The following MLYCD variants were observed in gnomAD, a reference collection of about 807,000 sequenced individuals.
MLYCD encodes malonyl-CoA decarboxylase.
In MLYCD, 27 loss-of-function variants were observed where a neutral mutation model predicts 35.8. The observed-to-expected ratio is 0.75, with a 90% CI of 0.56 to 1.04. The LOEUF is 1.04. MLYCD is among the 50% of genes least tolerant of loss of function. The probability of loss-of-function intolerance (pLI) is 0.00; values close to 1 mark genes in which losing one functional copy is unlikely to be tolerated. For synonymous variants in MLYCD, 403 were observed against 302.4 expected, an observed-to-expected ratio of 1.33 and a Z score of -3.45; for missense variants, 917 against 665.1, an observed-to-expected ratio of 1.38 and a Z score of -4.17.
chr16:83,904,902 A>G (rs138058422), intron 1 of MLYCD, among the ~76,000 whole-genome samples: 154 of 152,294 alleles, frequency 1.0e-3, no homozygotes, highest in African/African-American at 3.3e-3. Flanking sequence ...AGTCAGTCCT[A>G]GATTTCCTTC....
At position 83,916,100 on chromosome 16, in the gene MLYCD, G is replaced by A. The variant is rs956087746; in HGVS notation, c.*611G>A. ...ATGTTGCTGCTTGAGGCATAAGTTGGATAATAGGCTTTAAATGATCAGGGA... is the reference window on the plus strand; with the variant it reads ...ATGTTGCTGCTTGAGGCATAAGTTGAATAATAGGCTTTAAATGATCAGGGA... On this transcript the variant is annotated 3_prime_UTR_variant, in exon 5 of 5. Coordinates refer to ENST00000262430, the MANE Select transcript of MLYCD (RefSeq NM_012213.3). 28 of 995,960 alleles carry A rather than the reference G, an allele frequency of 2.8e-5. No homozygotes were observed. Among genetic ancestry groups the A allele is most frequent in the Non-Finnish European group, 3.2e-5 (27 of 834,898 alleles). The allele number at this position is 995,960 out of a possible 1,614,324, so 61.7% of individuals were successfully genotyped here.
rs771859094 is a variant in MLYCD, at chr16:83,925,934, G to A, written c.*10445G>A. ...GCTTCTAAACAAGGCAGTTTCATGT[G>A]TGTATCTCCACTAGACTAGACGCTC... On this transcript the variant is annotated 3_prime_UTR_variant, in exon 5 of 5. Transcript: ENST00000262430. 8 of 152,306 alleles carry A rather than the reference G, an allele frequency of 5.3e-5. No homozygotes were observed. The highest frequency in any genetic ancestry group is 1.2e-4 in the Non-Finnish European group (8 of 68,116). 9.4% of individuals were successfully genotyped at this position (152,306 alleles called of 1,614,324 possible). A position where few individuals can be genotyped will look rare whatever the true frequency, so the allele number is the denominator to read the frequency against.
intron 4 of MLYCD, chr16:83,914,463 C>T (rs778211753): frequency 1.3e-5 from 3 of 229,852 alleles, no homozygotes; most frequent in Non-Finnish European, 2.6e-5. Flanking sequence ...TGCAGTGCAC[C>T]GAGCCCCACT....
chr16:83,908,552 A>G (rs1907063249), intron 3 of MLYCD, among the ~76,000 whole-genome samples: 1 of 152,186 alleles, frequency 6.6e-6, no homozygotes, highest in African/African-American at 2.4e-5. Flanking sequence ...ATCACAGAAC[A>G]TGTTTGTGAG....
intron 1 of MLYCD, among the ~76,000 whole-genome samples, chr16:83,903,557 A>G (rs1266593959): frequency 6.6e-6 from 1 of 152,176 alleles, no homozygotes; most frequent in African/African-American, 2.4e-5. Flanking sequence ...GCAGATCTTG[A>G]TAGAGCTTCA....
In MLYCD at chr16:83,920,179, G is replaced by A. The variant is rs1907605445; in HGVS notation, c.*4690G>A. Reference sequence around the variant, plus strand: ...GAACACACACCCTGTGCACAGTTTTGTTTTGTTTTGCTTTTGCAATTCCAG... The same window carrying A: ...GAACACACACCCTGTGCACAGTTTTATTTTGTTTTGCTTTTGCAATTCCAG... On this transcript the variant is annotated 3_prime_UTR_variant, in exon 5 of 5. Transcript: ENST00000262430. 1.3e-5 allele frequency: 2 copies of A among 152,172 alleles called. No individual in the cohort carries two copies. The highest frequency in any genetic ancestry group is 4.8e-5 in the African/African-American group (2 of 41,454). 9.4% of individuals were successfully genotyped at this position (152,172 alleles called of 1,614,324 possible).
At chr16:83,913,098 T>A (rs1344751422) in intron 4 of MLYCD, 1 of 155,228 alleles carries the variant, frequency 6.4e-6, no homozygotes, top group East Asian at 1.9e-4. Context: ...TTCACTGTGT[T>A]GGGGGCTGCA....
rs1195715861 is a variant in MLYCD, at chr16:83,916,539, A to C, written c.*1050A>C. 8.5e-5 allele frequency: 11 copies of C among 129,874 alleles called. No individual in the cohort carries two copies. The highest frequency in any genetic ancestry group is 3.3e-4 in the African/African-American group (11 of 32,886). The allele number at this position is 129,874 out of a possible 1,614,324, so 8.0% of individuals were successfully genotyped here. A position where few individuals can be genotyped will look rare whatever the true frequency, so the allele number is the denominator to read the frequency against. ...ACGTGTGCACGAGCATCTCTGGATC[A>C]GTGCACGTCTGTGTGCATGTGCCCG... On this transcript the variant is annotated 3_prime_UTR_variant, in exon 5 of 5. Transcript: ENST00000262430.
chr16:83,914,356 C>T (rs1197052130), intron 4 of MLYCD: 1 of 172,956 alleles, frequency 5.8e-6, no homozygotes, highest in Admixed American at 5.4e-5. Flanking sequence ...AGTCCCTGGC[C>T]ACTCGTGTGC....
chr16:83,899,227 C>T lies in MLYCD; in HGVS notation c.83C>T (p.Ala28Val). Residue 28 changes from alanine to valine, a missense_variant, in exon 1 of 5, where the codon GCG becomes GTG. By Grantham distance (64) the Ala-to-Val change is moderately conservative (BLOSUM62 0). Coordinates refer to ENST00000262430, the MANE Select transcript of MLYCD (RefSeq NM_012213.3). ...CCGCGGCCGCCCGGGCCCCGGCTGG[C>T]GAGCGGGCAGGCGGCCGGCGCCCTG... The part of the protein sequence containing the change: ...LPPRPPGPRL[A>V]SGQAAGALER... The T allele has an allele frequency of 8.1e-7, 1 of 1,236,784 alleles. No homozygotes were observed. Among genetic ancestry groups the T allele is most frequent in the South Asian group, 3.2e-5 (1 of 31,428 alleles). The allele number at this position is 1,236,784 out of a possible 1,614,324, so 76.6% of individuals were successfully genotyped here.
Position 83,899,341 on chromosome 16 carries a change from G to C in MLYCD, c.197G>C (p.Gly66Ala). 2 of 1,516,954 alleles carry C rather than the reference G, an allele frequency of 1.3e-6. No homozygotes were observed. The highest frequency in any genetic ancestry group is 2.4e-5 in the South Asian group (2 of 81,912). The allele number at this position is 1,516,954 out of a possible 1,614,324, so 94.0% of individuals were successfully genotyped here. The change falls in exon 1 of 5, where the codon GGT (glycine) becomes GCT (alanine). Residue 66 changes from glycine (G) to alanine (A), a missense_variant. Gly to Ala is a moderately conservative substitution (Grantham distance 60, BLOSUM62 0). Transcript: ENST00000262430. ...LREKTPAPAEGQCADFVSFYG... is the reference protein window; with the variant it reads ...LREKTPAPAEAQCADFVSFYG... ...GAGAAGACACCGGCGCCCGCCGAGGGTCAGTGCGCGGACTTCGTGAGCTTC... is the reference window on the plus strand; with the variant it reads ...GAGAAGACACCGGCGCCCGCCGAGGCTCAGTGCGCGGACTTCGTGAGCTTC...
Position 83,915,871 on chromosome 16 carries a change from G to A in MLYCD, c.*382G>A, listed in dbSNP as rs545195059. ...GGCATCCTCCTAAGGACCGGGGCGC[G>A]TGGCCCAGATAAGAATAGGTGTTCC... On this transcript the variant is annotated 3_prime_UTR_variant, in exon 5 of 5. Coordinates refer to ENST00000262430, the MANE Select transcript of MLYCD (RefSeq NM_012213.3). 55 of 1,176,104 alleles carry A rather than the reference G, an allele frequency of 4.7e-5. No homozygotes were observed. The highest frequency in any genetic ancestry group is 3.5e-4 in the African/African-American group (22 of 63,398). 72.9% of individuals were successfully genotyped at this position (1,176,104 alleles called of 1,614,324 possible).
rs570550620 is a variant in MLYCD, at chr16:83,908,271, A to C, written c.787A>C (p.Ser263Arg). 1 of 1,614,100 alleles carries C rather than the reference A, an allele frequency of 6.2e-7. No homozygotes were observed. ...CGTGGCACTGACTGGTGACATCTCC[A>C]GCAACATCCAGGTACCTGCGATGGT... ...LHVALTGDISSNIQAIVKEHP... is the reference protein window; with the variant it reads ...LHVALTGDISRNIQAIVKEHP... Residue 263 changes from serine (S) to arginine (R), a missense_variant, in exon 3 of 5, where the codon AGC (serine) becomes CGC (arginine). Transcript: ENST00000262430.
intron 1 of MLYCD, among the ~76,000 whole-genome samples, chr16:83,906,117 T>C (rs1275480820): frequency 6.6e-6 from 1 of 152,184 alleles, no homozygotes; most frequent in East Asian, 1.9e-4. Context: ...CGGGGCACAG[T>C]GGCTGACGCC....
chr16:83,923,032 C>G lies in MLYCD; in HGVS notation c.*7543C>G, dbSNP rs1295719205. The stretch of plus-strand genomic sequence containing the variant: ...GACTGGCTCTGCAGGGCCTCAGAAT[C>G]TGAACTCCCTGTGGTCACTCTGAGG... On this transcript the variant is annotated 3_prime_UTR_variant, in exon 5 of 5. Coordinates refer to ENST00000262430, the MANE Select transcript of MLYCD (RefSeq NM_012213.3). 6.6e-6 allele frequency: 1 copy of G among 152,288 alleles called. No homozygotes were observed. Among genetic ancestry groups the G allele is most frequent in the Non-Finnish European group, 1.5e-5 (1 of 68,090 alleles). 9.4% of individuals were successfully genotyped at this position (152,288 alleles called of 1,614,324 possible). A position where few individuals can be genotyped will look rare whatever the true frequency, so the allele number is the denominator to read the frequency against.
rs1417403010 is a variant in MLYCD, at chr16:83,922,526, G to A, written c.*7037G>A. 6.6e-6 allele frequency: 1 copy of A among 152,288 alleles called. No individual in the cohort carries two copies. The highest frequency in any genetic ancestry group is 1.5e-5 in the Non-Finnish European group (1 of 68,078). The allele number at this position is 152,288 out of a possible 1,614,324, so 9.4% of individuals were successfully genotyped here. On this transcript the variant is annotated 3_prime_UTR_variant, in exon 5 of 5. Coordinates refer to ENST00000262430, the MANE Select transcript of MLYCD (RefSeq NM_012213.3). ...AGACTTTGGCTCCGGCCAGTGCCCA[G>A]TTCAAATGCTGGCCCCACCACTTCC...
At chr16:83,900,842 C>T (rs1471539707) in intron 1 of MLYCD, among the ~76,000 whole-genome samples, 1 of 152,104 alleles carries the variant, frequency 6.6e-6, no homozygotes, top group African/African-American at 2.4e-5. Flanking sequence ...ATCCCTTTTA[C>T]AGTAAAGGAG....
At position 83,915,006 on chromosome 16, in the gene MLYCD, T is replaced by C; in HGVS notation, c.999T>C (p.Gly333=). 3.1e-6 allele frequency: 5 copies of C among 1,614,220 alleles called. No homozygotes were observed. The highest frequency in any genetic ancestry group is 4.2e-6 in the Non-Finnish European group (5 of 1,180,048). ...GVFSSLSPIP[G]FTKWLLGLLN... ...TTTCAAGTCTGTCACCTATACCTGG[T>C]TTCACCAAATGGCTTCTGGGGCTTC... The change falls in exon 5 of 5, where the codon GGT becomes GGC. Residue 333 remains glycine (G), a synonymous_variant. Transcript: ENST00000262430.
At position 83,907,035 on chromosome 16, in the gene MLYCD, G is replaced by A. The variant is rs369616872; in HGVS notation, c.577G>A (p.Gly193Arg). ...KGMLSEWFSS[G>R]FLNLERVTWH... ...AATGCTCTCAGAATGGTTTTCCTCC[G>A]GGTTCCTGAACCTAGAACGGGTTAC... is the stretch of plus-strand genomic sequence containing the variant. The change falls in exon 2 of 5, where the codon GGG becomes AGG. Residue 193 changes from glycine to arginine, a missense_variant. Coordinates refer to ENST00000262430, the MANE Select transcript of MLYCD (RefSeq NM_012213.3). The A allele has an allele frequency of 5.3e-5, 86 of 1,614,188 alleles. 1 individual carries two copies. Among genetic ancestry groups the A allele is most frequent in the African/African-American group, 1.6e-4 (12 of 75,046 alleles).
Sources: allele counts gnomAD v4.1 joint callset (sites outside exome capture counted in the v4.1 genomes callset), GRCh38; gene constraint gnomAD v4.1.1; transcripts MANE v1.5; gene names NCBI Gene and HGNC (gene_info 2026-07-23, HGNC 2026-07-21).